GALNT9: variants seen among roughly 807,000 people sequenced by gnomAD.
GALNT9 encodes the protein GalNAc transferase 9.
Under a neutral mutation model 63.1 loss-of-function variants are expected in GALNT9, and 47 were observed. That is an observed-to-expected ratio of 0.75 (90% CI 0.59 to 0.95). The LOEUF is 0.95. Among genes scored for constraint, GALNT9 ranks in the 40% least tolerant of loss-of-function variants. The pLI, the probability that GALNT9 is intolerant of heterozygous loss-of-function variation, is 0.00. For synonymous variants in GALNT9, 396 were observed against 365.7 expected, an observed-to-expected ratio of 1.08 and a Z score of -0.94; for missense variants, 829 against 874.8, an observed-to-expected ratio of 0.95 and a Z score of 0.66.
rs1273970448 is a variant in GALNT9 at position 132,238,015 on chromosome 12, G to A, written c.1077+9895C>T. Among the ~76,000 whole-genome samples, 1 of 152,240 alleles carries A rather than the reference G, an allele frequency of 6.6e-6. No homozygotes were observed. The highest frequency in any genetic ancestry group is 2.4e-5 in the African/African-American group (1 of 41,464). ...GGAAACATCTGTGACCCCAGCAGAC[G>A]GGGAGCCAGGCAAGGACTCTGCAGT... On this transcript the variant is annotated intron_variant, in intron 6 of 10. Coordinates refer to ENST00000328957, the MANE Select transcript of GALNT9 (RefSeq NM_001122636.2). This position sits in a 1 kb window ranked among gnomAD's most constrained non-coding sequence, Gnocchi z 6.5.
chr12:132,200,803 G>A (rs910993077), intron 8 of GALNT9: 8 of 369,032 alleles, frequency 2.2e-5, no homozygotes, highest in Non-Finnish European at 3.5e-5. Flanking sequence ...AACACGCATG[G>A]ATGTGACTAC....
Position 132,196,548 on chromosome 12 carries a change from G to A in GALNT9, c.*559C>T. The A allele has an allele frequency of 1.0e-6, 1 of 986,360 alleles. No homozygotes were observed. Among genetic ancestry groups the A allele is most frequent in the Non-Finnish European group, 1.2e-6 (1 of 830,628 alleles). 61.1% of individuals were successfully genotyped at this position (986,360 alleles called of 1,614,324 possible). ...TCTTTATTTGGTCTCTGCTGAAGCA[G>A]TCGTGCCAGCCTCCTAGACACGGCC... is the stretch of plus-strand genomic sequence containing the variant. On this transcript the variant is annotated 3_prime_UTR_variant, in exon 11 of 11. Coordinates refer to ENST00000328957, the MANE Select transcript of GALNT9 (RefSeq NM_001122636.2).
Position 132,196,717 on chromosome 12 carries a change from C to T in GALNT9, c.*390G>A, listed in dbSNP as rs768814109. The T allele has an allele frequency of 2.6e-4, 258 of 1,008,642 alleles. 1 individual carries two copies. The highest frequency in any genetic ancestry group is 2.4e-4 in the Non-Finnish European group (204 of 845,334). The allele number at this position is 1,008,642 out of a possible 1,614,324, so 62.5% of individuals were successfully genotyped here. Reference sequence around the variant, plus strand: ...GGCTGCTTGGAGCATGGGAGGCCTGCGGGTGGAAGACACCAGGGTGCAGCC... The same window carrying T: ...GGCTGCTTGGAGCATGGGAGGCCTGTGGGTGGAAGACACCAGGGTGCAGCC... On this transcript the variant is annotated 3_prime_UTR_variant, in exon 11 of 11. Coordinates refer to ENST00000328957, the MANE Select transcript of GALNT9 (RefSeq NM_001122636.2).
chr12:132,250,726 G>A (rs1474632354), intron 5 of GALNT9, among the ~76,000 whole-genome samples: 1 of 152,236 alleles, frequency 6.6e-6, no homozygotes, highest in Non-Finnish European at 1.5e-5. Context: ...GGGAGGCGGA[G>A]GTTGCAGTGG....
In GALNT9 at chr12:132,261,130, G is replaced by A. The variant is rs781889533; in HGVS notation, c.587-8C>T. Reference sequence around the variant, plus strand: ...GATTGAACTTGAGTTCCACTGAGGAGAGACAAGACTTTAGCACGCTGGCAG... The same window carrying A: ...GATTGAACTTGAGTTCCACTGAGGAAAGACAAGACTTTAGCACGCTGGCAG... On this transcript the variant is annotated splice_region_variant and splice_polypyrimidine_tract_variant and intron_variant, in intron 3 of 10. Transcript: ENST00000328957. 1.2e-5 allele frequency: 19 copies of A among 1,550,278 alleles called. No individual in the cohort carries two copies. The Admixed American group carries it at 1.6e-4, about 13-fold the overall frequency.
At position 132,204,608 on chromosome 12, in the gene GALNT9, G is replaced by C. The variant is rs372859078; in HGVS notation, c.1078-918C>G. The stretch of plus-strand genomic sequence containing the variant: ...GCCTGCCAGCCGACGGCCAATCTCG[G>C]TACCCTCAGCCCCCGTAACCGGGTG... On this transcript the variant is annotated intron_variant, in intron 6 of 10. Transcript: ENST00000328957. Among the ~76,000 whole-genome samples, 27 of 152,258 alleles carry C rather than the reference G, an allele frequency of 1.8e-4. No homozygotes were observed. In the East Asian group the frequency reaches 2.1e-3, roughly 12 times the overall value.
At chr12:132,323,873 G>A (rs554034884) in intron 1 of GALNT9, among the ~76,000 whole-genome samples, 10 of 152,376 alleles carry the variant, frequency 6.6e-5, no homozygotes, top group Admixed American at 6.5e-4. Context: ...CTGCCACTGT[G>A]GAAGCGAGAC....
rs1875525566 is a variant in GALNT9 at position 132,196,657 on chromosome 12, G to A, written c.*450C>T. 1.0e-6 allele frequency: 1 copy of A among 1,000,744 alleles called. No homozygotes were observed. Among genetic ancestry groups the A allele is most frequent in the Non-Finnish European group, 1.2e-6 (1 of 839,664 alleles). The allele number at this position is 1,000,744 out of a possible 1,614,324, so 62.0% of individuals were successfully genotyped here. ...CATTATGATGTGTGACTTAGGTCTT[G>A]GTTGGAGGGCTGAGCGGCCGCAAGT... is the stretch of plus-strand genomic sequence containing the variant. On this transcript the variant is annotated 3_prime_UTR_variant, in exon 11 of 11. Transcript: ENST00000328957.
Position 132,319,626 on chromosome 12 carries a change from A to ACG in GALNT9, c.238+9338_238+9339dup, listed in dbSNP as rs1868686936. Among the ~76,000 whole-genome samples the ACG allele has an allele frequency of 2.0e-5, 3 of 151,950 alleles. No individual in the cohort carries two copies. Among genetic ancestry groups the ACG allele is most frequent in the African/African-American group, 7.3e-5 (3 of 41,352 alleles). On this transcript the variant is annotated intron_variant, in intron 1 of 10. Transcript: ENST00000328957. The surrounding 1 kb of genome is among the most constrained non-coding windows in gnomAD (Gnocchi z 5.2). ...GGCTCCTTTCCTCGGGAGAGCCCTG[A>ACG]CGCACACACTAGCTGAGTTTGCTTT...
Position 132,257,875 on chromosome 12 carries a change from G to C in GALNT9, c.773C>G (p.Ala258Gly), listed in dbSNP as rs1391102039. ...CCGGTCCTCTCGGATCCGCGACAGT[G>C]CGGGCTCGGCCCTGCGGAGGCACAG... ...VEFNTGWAEP[A>G]LSRIREDRRR... The change falls in exon 5 of 11, where the codon GCA becomes GGA. Residue 258 changes from alanine to glycine, a missense_variant. By Grantham distance (60) the Ala-to-Gly change is moderately conservative. Transcript: ENST00000328957. 7 of 1,542,016 alleles carry C rather than the reference G, an allele frequency of 4.5e-6. No homozygotes were observed. In the African/African-American group the frequency reaches 5.5e-5, roughly 12 times the overall value.
chr12:132,259,774 C>G (rs1012451396), intron 4 of GALNT9, among the ~76,000 whole-genome samples: 2 of 152,244 alleles, frequency 1.3e-5, no homozygotes, highest in African/African-American at 4.8e-5. Context: ...CAAACATCAG[C>G]TGGCCCTTCC....
rs1319377208 is a variant in GALNT9 at position 132,225,993 on chromosome 12, C to T, written c.1077+21917G>A. Among the ~76,000 whole-genome samples the T allele has an allele frequency of 7.5e-5, 11 of 146,384 alleles. No individual in the cohort carries two copies. In the East Asian group the frequency reaches 1.2e-3, roughly 17 times the overall value. On this transcript the variant is annotated intron_variant, in intron 6 of 10. Transcript: ENST00000328957. ...ACACTGTACACACCCCACACACATA[C>T]ACCCCACACACCCCACATTGTACAC...
intron 5 of GALNT9, among the ~76,000 whole-genome samples, chr12:132,250,881 C>T (rs964170496): frequency 2.0e-5 from 3 of 152,242 alleles, no homozygotes; most frequent in Non-Finnish European, 4.4e-5. Context: ...TCGGGACCCA[C>T]ATCCCCGGAG....
In GALNT9 at chr12:132,238,658, T is replaced by C. The variant is rs1555236559; in HGVS notation, c.1077+9252A>G. On this transcript the variant is annotated intron_variant, in intron 6 of 10. Coordinates refer to ENST00000328957, the MANE Select transcript of GALNT9 (RefSeq NM_001122636.2). This position sits in a 1 kb window ranked among gnomAD's most constrained non-coding sequence, Gnocchi z 6.5. ...CCTGAGTGTGAGTCTCACATCCATC[T>C]GCTGCGTGGCCCTGGGCAGGTCACT... Among the ~76,000 whole-genome samples, 1 of 152,118 alleles carries C rather than the reference T, an allele frequency of 6.6e-6. No individual in the cohort carries two copies.
chr12:132,287,535 C>T (rs1248422495), intron 1 of GALNT9, among the ~76,000 whole-genome samples: 2 of 152,016 alleles, frequency 1.3e-5, no homozygotes, highest in Non-Finnish European at 1.5e-5. Context: ...GGCTCACACA[C>T]GTGACGCCAA....
In GALNT9 at chr12:132,262,592, G is replaced by A; in HGVS notation, c.453C>T (p.Pro151=). The change falls in exon 3 of 11, where the codon CCC becomes CCT. Residue 151 remains proline (P), a synonymous_variant. Coordinates refer to ENST00000328957, the MANE Select transcript of GALNT9 (RefSeq NM_001122636.2). ...CRQMSYAQDL[P]QVSVVFIFVN... is the part of the protein sequence containing the mutation. ...CGAAGATGAAGACCACGGAGACCTG[G>A]GGCAGGTCCTGGGCGTAGCTCATCT... 1 of 1,551,344 alleles carries A rather than the reference G, an allele frequency of 6.4e-7. No individual in the cohort carries two copies.
Position 132,279,294 on chromosome 12 carries a change from T to C in GALNT9, c.419+6956A>G, listed in dbSNP as rs1880236600. On this transcript the variant is annotated intron_variant, in intron 2 of 10. Transcript: ENST00000328957. This position sits in a 1 kb window ranked among gnomAD's most constrained non-coding sequence, Gnocchi z 4.1. ...TCCCAGATAAGCACGTGACCCACTATGGGCCAATGAAAGTCGCCTGAGACT... is the reference window on the plus strand; with the variant it reads ...TCCCAGATAAGCACGTGACCCACTACGGGCCAATGAAAGTCGCCTGAGACT... 6.6e-6 allele frequency: 1 copy of C among 152,282 alleles called. No individual in the cohort carries two copies. The highest frequency in any genetic ancestry group is 1.5e-5 in the Non-Finnish European group (1 of 68,082). 9.4% of individuals were successfully genotyped at this position (152,282 alleles called of 1,614,324 possible).
rs769038046 is a variant in GALNT9 at position 132,203,650 on chromosome 12, G to T, written c.1118C>A (p.Ser373Tyr). 1 of 1,613,636 alleles carries T rather than the reference G, an allele frequency of 6.2e-7. No homozygotes were observed. The highest frequency in any genetic ancestry group is 1.3e-5 in the African/African-American group (1 of 75,046). The change falls in exon 7 of 11, where the codon TCC (serine) becomes TAC (tyrosine). Residue 373 changes from serine to tyrosine, a missense_variant. Ser to Tyr is a moderately radical substitution (Grantham distance 144). Transcript: ENST00000328957. ...GGTGCGCTCGATGTGGGCCACGCGG[G>T]AGCAGGGCAGCACCTCCATGCTGCC... ...CGGSMEVLPC[S>Y]RVAHIERTRK...
rs568576243 is a variant in GALNT9 at position 132,318,708 on chromosome 12, C to T, written c.238+10258G>A. Among the ~76,000 whole-genome samples the T allele has an allele frequency of 1.1e-4, 16 of 152,352 alleles. No individual in the cohort carries two copies. The South Asian group carries it at 3.3e-3, about 32-fold the overall frequency. On this transcript the variant is annotated intron_variant, in intron 1 of 10. Coordinates refer to ENST00000328957, the MANE Select transcript of GALNT9 (RefSeq NM_001122636.2). ...GTGGCCAGCGTTGATGCACAGTGCA[C>T]GCCGTGGGCCGCCTGCCCTCCTCTC...
Sources: allele counts gnomAD v4.1 joint callset (sites outside exome capture counted in the v4.1 genomes callset), GRCh38; gene constraint gnomAD v4.1.1; non-coding constraint Gnocchi (gnomAD v3.1); transcripts MANE v1.5; gene names NCBI Gene and HGNC (gene_info 2026-07-23, HGNC 2026-07-21).